Variants in CHD1L observed in about 807,000 individuals in gnomAD.
CHD1L encodes chromodomain helicase DNA binding protein 1 like, also known as ATP-dependent chromatin remodeler CHD1L.
CHD1L carries 118 observed loss-of-function variants against 115.9 expected under a neutral mutation model. The ratio of observed to expected loss-of-function variants is 1.02; its 90% CI spans 0.88 to 1.19. The LOEUF is 1.19. Among genes scored for constraint, CHD1L ranks in the 50% most tolerant of loss-of-function variants. The pLI is 0.00. For synonymous variants in CHD1L, 411 were observed against 387.1 expected, an observed-to-expected ratio of 1.06 and a Z score of -0.72; for missense variants, 1,179 against 1,065.3, an observed-to-expected ratio of 1.11 and a Z score of -1.49.
At chr1:147,225,333 G>C in the CHD1L span, 6 of 384,936 alleles carry the variant, frequency 1.6e-5, no homozygotes, top group East Asian at 2.8e-4. Flanking sequence ...CGATCTGGAG[G>C]AGACTCAACA....
At chr1:147,284,143 C>T (rs1553963600) in intron 15 of CHD1L, among the ~76,000 whole-genome samples, 1 of 152,152 alleles carries the variant, frequency 6.6e-6, no homozygotes, top group African/African-American at 2.4e-5. Flanking sequence ...ATGCTCTCCC[C>T]TTGGAAAAGT....
intron 10 of CHD1L, 63 bp downstream of exon 10, chr1:147,268,941 A>G: frequency 7.6e-7 from 1 of 1,313,650 alleles, no homozygotes; most frequent in South Asian, 1.2e-5. Context: ...ACTATTGAGG[A>G]ACTCACTGAG....
chr1:147,271,385 T>C (rs961154233), intron 11 of CHD1L, among the ~76,000 whole-genome samples: 6 of 152,180 alleles, frequency 3.9e-5, no homozygotes, highest in Admixed American at 1.3e-4. Context: ...AAGGTGAATA[T>C]TGAAATTATA....
chr1:147,196,584 G>GA, the CHD1L span, among the ~76,000 whole-genome samples: 2 of 151,828 alleles, frequency 1.3e-5, no homozygotes, highest in Non-Finnish European at 2.9e-5. Context: ...CTCATGGGGT[G>GA]AAAAAATTTA....
In CHD1L at chr1:147,286,305, T is replaced by G. The variant is rs1559881253; in HGVS notation, c.2026T>G (p.Trp676Gly). ...EEAEHKKKMA[W>G]WESNNYQSFC... The stretch of plus-strand genomic sequence containing the variant: ...GTCTCTGGCCTGCTAAAGGATGGCC[T>G]GGTGGGAATCCAACAATTACCAGTC... Residue 676 changes from tryptophan to glycine, a missense_variant, in exon 18 of 23, where the codon TGG becomes GGG. Trp to Gly is a radical substitution (Grantham distance 184, BLOSUM62 -2). Coordinates refer to ENST00000369258, the MANE Select transcript of CHD1L (RefSeq NM_004284.6). The G allele has an allele frequency of 1.2e-6, 2 of 1,613,946 alleles. No individual in the cohort carries two copies. Among genetic ancestry groups the G allele is most frequent in the Admixed American group, 3.3e-5 (2 of 60,016 alleles).
upstream of CHD1L, among the ~76,000 whole-genome samples, chr1:147,238,529 G>T (rs1553930222): frequency 6.6e-6 from 1 of 152,126 alleles, no homozygotes; most frequent in Non-Finnish European, 1.5e-5. Context: ...TTCTGTGGAG[G>T]AATAAAACAA....
At chr1:147,181,996 T>A in the CHD1L span, among the ~76,000 whole-genome samples, 1 of 152,200 alleles carries the variant, frequency 6.6e-6, no homozygotes, top group Admixed American at 6.5e-5. Flanking sequence ...ATGTCTTAGA[T>A]ATGTCCATGT....
chr1:147,276,267 G>GAT lies in CHD1L; in HGVS notation c.1539+14_1539+15dup. 6.2e-7 allele frequency: 1 copy of GAT among 1,613,992 alleles called. No homozygotes were observed. Among genetic ancestry groups the GAT allele is most frequent in the Non-Finnish European group, 8.5e-7 (1 of 1,179,924 alleles). On this transcript the variant is annotated intron_variant, in intron 14 of 22. Transcript: ENST00000369258. ...CGATGCTGACCTCCAGGTATGATATGATATACTGTTCTTCACTTTGGAATA... is the reference window on the plus strand; with the variant it reads ...CGATGCTGACCTCCAGGTATGATATGATATATACTGTTCTTCACTTTGGAATA...
the CHD1L span, among the ~76,000 whole-genome samples, chr1:147,200,407 T>G: frequency 6.6e-6 from 1 of 152,102 alleles, no homozygotes; most frequent in African/African-American, 2.4e-5. Context: ...CTTAAAAAAT[T>G]TTTCTCTCTC....
chr1:147,224,769 CA>C, the CHD1L span: 5 of 846,170 alleles, frequency 5.9e-6, no homozygotes, highest in Non-Finnish European at 9.5e-6. Context: ...CTCGGCCTCC[CA>C]AAGTGCTAGG....
At chr1:147,243,070 C>A in intron 1 of CHD1L, 1 of 356,114 alleles carries the variant, frequency 2.8e-6, no homozygotes, top group Non-Finnish European at 4.9e-6. Context: ...GGCCCGGTAG[C>A]CAGGCCTGGC....
At chr1:147,177,265 C>A in the CHD1L span, among the ~76,000 whole-genome samples, 1,441 of 152,236 alleles carry the variant, frequency 9.5e-3, 25 homozygotes, top group African/African-American at 0.033. Flanking sequence ...ACTAAAAGAG[C>A]TCCCAATAGC....
At chr1:147,287,322 T>C (rs1683553015) in intron 18 of CHD1L, among the ~76,000 whole-genome samples, 2 of 152,350 alleles carry the variant, frequency 1.3e-5, no homozygotes, top group African/African-American at 4.8e-5. Context: ...CTACTCACTC[T>C]GTAATGTTCC....
chr1:147,285,365 G>T lies in CHD1L; in HGVS notation c.1896G>T (p.Lys632Asn), dbSNP rs373244397. 3 of 1,613,888 alleles carry T rather than the reference G, an allele frequency of 1.9e-6. No homozygotes were observed. The highest frequency in any genetic ancestry group is 2.5e-6 in the Non-Finnish European group (3 of 1,179,964). ...PGLVEGSTKR[K>N]RVLSPEELED... ...TTGTGGAGGGATCTACCAAAAGGAA[G>T]CGGGTTCTGAGTCCAGAAGAGCTGG... The change falls in exon 17 of 23, where the codon AAG becomes AAT. Residue 632 changes from lysine to asparagine, a missense_variant. Lys to Asn is a moderately conservative substitution (Grantham distance 94). Coordinates refer to ENST00000369258, the MANE Select transcript of CHD1L (RefSeq NM_004284.6).
At chr1:147,209,100 C>A in the CHD1L span, 2 of 1,509,988 alleles carry the variant, frequency 1.3e-6, no homozygotes, top group South Asian at 1.2e-5. Context: ...ATTCGTAAAC[C>A]TTCAAAAGCA....
chr1:147,184,450 T>C, the CHD1L span: 6 of 1,393,444 alleles, frequency 4.3e-6, no homozygotes, highest in African/African-American at 4.4e-5. The surrounding 1 kb of genome is among the most constrained non-coding windows in gnomAD (Gnocchi z 4.4). Context: ...GTTCTTTTTC[T>C]GTTGCAGGAG....
At chr1:147,295,066 A>G (rs2103049542) in intron 22 of CHD1L, among the ~76,000 whole-genome samples, 1 of 152,320 alleles carries the variant, frequency 6.6e-6, no homozygotes. Flanking sequence ...TATTATATTG[A>G]GTCCCAAAAT....
At chr1:147,272,344 C>T in intron 12 of CHD1L, 63 bp downstream of exon 12, 1 of 1,128,574 alleles carries the variant, frequency 8.9e-7, no homozygotes, top group Non-Finnish European at 1.3e-6. Context: ...TATTACATCC[C>T]AACGGTTAGT....
chr1:147,283,996 A>G (rs1420829047), intron 15 of CHD1L, among the ~76,000 whole-genome samples: 2 of 152,228 alleles, frequency 1.3e-5, no homozygotes, highest in Non-Finnish European at 2.9e-5. Flanking sequence ...ATAAAAAAGT[A>G]CGGATTTTAT....
Sources: allele counts gnomAD v4.1 joint callset (sites outside exome capture counted in the v4.1 genomes callset), GRCh38; gene constraint gnomAD v4.1.1; non-coding constraint Gnocchi (gnomAD v3.1); transcripts MANE v1.5; gene names NCBI Gene and HGNC (gene_info 2026-07-23, HGNC 2026-07-21).